The following GLS variants were observed in gnomAD, a reference collection of about 807,000 sequenced individuals.
GLS encodes the protein glutaminase kidney isoform, mitochondrial.
A neutral mutation model predicts 86.7 loss-of-function variants in GLS; 36 were observed. The ratio of observed to expected loss-of-function variants is 0.42; its 90% CI spans 0.32 to 0.55. The LOEUF (loss-of-function observed/expected upper bound fraction) is 0.55, where lower values mean the gene tolerates loss of function less well. GLS is among the 20% of genes least tolerant of loss of function. GLS has a pLI of 0.17. For synonymous variants in GLS, 317 were observed against 305.9 expected (o/e 1.04, Z -0.38); for missense variants, 528 against 833.4 (o/e 0.63, Z 4.51).
Position 190,954,484 on chromosome 2 carries a change from G to A in GLS, c.1713-100G>A. The A allele has an allele frequency of 1.4e-6, 1 of 733,428 alleles. No individual in the cohort carries two copies. The allele number at this position is 733,428 out of a possible 1,614,324, so 45.4% of individuals were successfully genotyped here. A position where few individuals can be genotyped will look rare whatever the true frequency, so the allele number is the denominator to read the frequency against. On this transcript the variant is annotated intron_variant, in intron 15 of 17. Coordinates refer to ENST00000320717, the MANE Select transcript of GLS (RefSeq NM_014905.5). This position sits in a 1 kb window ranked among gnomAD's most constrained non-coding sequence, Gnocchi z 4.0. ...CCATTAATGAGCTTGATGAAGGATG[G>A]CACCTGACAGGGCCTTAAATGAACT...
rs937031931 is a variant in GLS, at chr2:190,895,494, T to A, written c.484-110T>A. On this transcript the variant is annotated intron_variant, in intron 2 of 17. Transcript: ENST00000320717. The surrounding 1 kb of genome is among the most constrained non-coding windows in gnomAD (Gnocchi z 4.2). The stretch of plus-strand genomic sequence containing the variant: ...TGACACTAAGATGCCATATTCATGT[T>A]CAAGTGTTGGGTAGAAGTTTTTATA... The A allele has an allele frequency of 1.4e-6, 1 of 711,982 alleles. No homozygotes were observed. The highest frequency in any genetic ancestry group is 1.8e-5 in the African/African-American group (1 of 55,646). 44.1% of individuals were successfully genotyped at this position (711,982 alleles called of 1,614,324 possible). A position where few individuals can be genotyped will look rare whatever the true frequency, so the allele number is the denominator to read the frequency against.
In GLS at chr2:190,895,517, A is replaced by G. The variant is rs1190404265; in HGVS notation, c.484-87A>G. The G allele has an allele frequency of 5.4e-6, 5 of 932,010 alleles. No individual in the cohort carries two copies. The highest frequency in any genetic ancestry group is 6.4e-6 in the Non-Finnish European group (4 of 625,878). The allele number at this position is 932,010 out of a possible 1,614,324, so 57.7% of individuals were successfully genotyped here. On this transcript the variant is annotated intron_variant, in intron 2 of 17. Coordinates refer to ENST00000320717, the MANE Select transcript of GLS (RefSeq NM_014905.5). The surrounding 1 kb of genome is among the most constrained non-coding windows in gnomAD (Gnocchi z 4.2). ...GTTCAAGTGTTGGGTAGAAGTTTTTATATACAGGAATAAAATCTTATAGTT... is the reference window on the plus strand; with the variant it reads ...GTTCAAGTGTTGGGTAGAAGTTTTTGTATACAGGAATAAAATCTTATAGTT...
chr2:190,909,755 CT>C (rs1689293295), intron 6 of GLS, among the ~76,000 whole-genome samples: 1 of 152,156 alleles, frequency 6.6e-6, no homozygotes, highest in South Asian at 2.1e-4. Context: ...AAAATATCCC[CT>C]ATAGGCTGTG....
chr2:190,921,187 G>C lies in GLS; in HGVS notation c.1114G>C (p.Gly372Arg). 1 of 1,604,984 alleles carries C rather than the reference G, an allele frequency of 6.2e-7. No homozygotes were observed. The highest frequency in any genetic ancestry group is 8.5e-7 in the Non-Finnish European group (1 of 1,172,258). ...LNKMAGNEYV[G>R]FSNATFQSER... ...TAAGATGGCTGGTAATGAATATGTT[G>C]GATTCAGTAATGCAACGTGAGTGTT... Residue 372 changes from glycine (G) to arginine (R), a missense_variant, in exon 9 of 18, where the codon GGA (glycine) becomes CGA (arginine). Gly to Arg is a moderately radical substitution (Grantham distance 125). Transcript: ENST00000320717. This position sits in a 1 kb window ranked among gnomAD's most constrained non-coding sequence, Gnocchi z 4.2.
At chr2:190,939,403 C>A (rs1253656291) in intron 14 of GLS, among the ~76,000 whole-genome samples, 2 of 151,660 alleles carry the variant, frequency 1.3e-5, no homozygotes, top group African/African-American at 4.8e-5. Context: ...AAAATTTAAA[C>A]TGCCTGAGTA....
intron 1 of GLS, among the ~76,000 whole-genome samples, chr2:190,884,557 G>C (rs1450057543): frequency 1.3e-5 from 2 of 152,154 alleles, no homozygotes; most frequent in African/African-American, 4.8e-5. Context: ...TCTCTGTTAA[G>C]CTGGTTATAC....
intron 1 of GLS, among the ~76,000 whole-genome samples, chr2:190,886,348 A>T (rs1688377984): frequency 6.6e-6 from 1 of 152,216 alleles, no homozygotes; most frequent in Non-Finnish European, 1.5e-5. Flanking sequence ...GATGAAATTC[A>T]CTGAAAGAAC....
chr2:190,933,988 AT>A, intron 14 of GLS: 1 of 950,986 alleles, frequency 1.1e-6, no homozygotes, highest in Non-Finnish European at 1.3e-6. Context: ...ACACAACCTG[AT>A]TTCAAGTAAT....
chr2:190,934,909 GA>G (rs1690225644), intron 14 of GLS: 5 of 977,888 alleles, frequency 5.1e-6, no homozygotes, highest in South Asian at 9.5e-5. Flanking sequence ...ACTTAAAAAA[GA>G]AAAAACTTTG....
intron 14 of GLS, chr2:190,934,187 G>A (rs1390660804): frequency 2.0e-6 from 2 of 979,538 alleles, no homozygotes; most frequent in Non-Finnish European, 2.4e-6. Flanking sequence ...TTAGCATGAT[G>A]GTGTATGTAT....
chr2:190,902,033 T>G lies in GLS; in HGVS notation c.815+7T>G. ...GTACAGTAGATGGACAGAGGTAAGT[T>G]TATTTCAAATTCATGAAAACCAACT... On this transcript the variant is annotated splice_region_variant and intron_variant, in intron 5 of 17. Transcript: ENST00000320717. The G allele has an allele frequency of 6.4e-7, 1 of 1,566,196 alleles. No homozygotes were observed. The highest frequency in any genetic ancestry group is 8.8e-7 in the Non-Finnish European group (1 of 1,136,624).
intron 14 of GLS, among the ~76,000 whole-genome samples, chr2:190,936,944 G>A (rs913141013): frequency 2.6e-5 from 4 of 151,206 alleles, no homozygotes; most frequent in Non-Finnish European, 5.9e-5. Flanking sequence ...TACTTAACGT[G>A]TGATTTCTTC....
Position 190,924,948 on chromosome 2 carries a change from A to AT in GLS, c.1248+356dup, listed in dbSNP as rs1207648248. On this transcript the variant is annotated intron_variant, in intron 11 of 17. Transcript: ENST00000320717. This position sits in a 1 kb window ranked among gnomAD's most constrained non-coding sequence, Gnocchi z 5.2. The stretch of plus-strand genomic sequence containing the variant: ...AAATGGATGTGTCACATTATGCAAA[A>AT]TATAGATGTCTCAGAAATCTTGGTT... Among the ~76,000 whole-genome samples, 4 of 152,320 alleles carry AT rather than the reference A, an allele frequency of 2.6e-5. No homozygotes were observed. The East Asian group carries it at 7.7e-4, about 29-fold the overall frequency.
At position 190,934,929 on chromosome 2, in the gene GLS, A is replaced by G. The variant is rs558385465; in HGVS notation, c.1650+3292A>G. On this transcript the variant is annotated intron_variant, in intron 14 of 17. Coordinates refer to ENST00000320717, the MANE Select transcript of GLS (RefSeq NM_014905.5). The stretch of plus-strand genomic sequence containing the variant: ...AAAAAGAAAAAACTTTGCCAGTTTT[A>G]AGGACATATTTTGATTCTTTCAGTA... 87 of 970,892 alleles carry G rather than the reference A, an allele frequency of 9.0e-5. No individual in the cohort carries two copies. In the African/African-American group the frequency reaches 1.4e-3, roughly 16 times the overall value. The allele number at this position is 970,892 out of a possible 1,614,324, so 60.1% of individuals were successfully genotyped here. A position where few individuals can be genotyped will look rare whatever the true frequency, so the allele number is the denominator to read the frequency against.
At chr2:190,902,642 A>G (rs1688985706) in intron 5 of GLS, among the ~76,000 whole-genome samples, 1 of 152,218 alleles carries the variant, frequency 6.6e-6, no homozygotes, top group Admixed American at 6.5e-5. Flanking sequence ...AAATCAAAGA[A>G]TTAAGAGAGG....
intron 1 of GLS, among the ~76,000 whole-genome samples, chr2:190,883,145 A>T (rs1379057786): frequency 1.3e-5 from 2 of 151,866 alleles, no homozygotes; most frequent in African/African-American, 4.8e-5. Flanking sequence ...TCTGTGATTC[A>T]CTTGTCCAGA....
intron 9 of GLS, 111 bp from the exon 10 acceptor site, chr2:190,923,806 G>C (rs1169619133): frequency 1.4e-6 from 1 of 715,726 alleles, no homozygotes; most frequent in Admixed American, 2.6e-5. Context: ...CTGTAGTCCT[G>C]AATCTTAGTT....
rs2124924320 is a variant in GLS at position 190,935,227 on chromosome 2, A to G, written c.1650+3590A>G. 2.5e-6 allele frequency: 2 copies of G among 804,036 alleles called. No homozygotes were observed. Among genetic ancestry groups the G allele is most frequent in the East Asian group, 2.5e-4 (2 of 7,984 alleles). 49.8% of individuals were successfully genotyped at this position (804,036 alleles called of 1,614,324 possible). On this transcript the variant is annotated intron_variant, in intron 14 of 17. Coordinates refer to ENST00000320717, the MANE Select transcript of GLS (RefSeq NM_014905.5). This position sits in a 1 kb window ranked among gnomAD's most constrained non-coding sequence, Gnocchi z 4.2. ...TTTCATTTGCTTTGTATATTTAATA[A>G]TGTACCTTTATTTTCCAGTATGCCT...
rs750118094 is a variant in GLS, at chr2:190,930,604, C to A, written c.1557+36C>A. ...TTTCTTAATGTAAATAATGGTGTTACAAGTTGAGCCATCCAATGATTCTTT... is the reference window on the plus strand; with the variant it reads ...TTTCTTAATGTAAATAATGGTGTTAAAAGTTGAGCCATCCAATGATTCTTT... On this transcript the variant is annotated intron_variant, in intron 13 of 17. Coordinates refer to ENST00000320717, the MANE Select transcript of GLS (RefSeq NM_014905.5). The surrounding 1 kb of genome is among the most constrained non-coding windows in gnomAD (Gnocchi z 5.0). 38 of 1,569,028 alleles carry A rather than the reference C, an allele frequency of 2.4e-5. No individual in the cohort carries two copies. In the Admixed American group the frequency reaches 5.9e-4, roughly 24 times the overall value.
Sources: gnomAD v4.1 joint callset for allele counts (sites outside exome capture counted in the v4.1 genomes callset) on GRCh38, gnomAD v4.1.1 for gene constraint, Gnocchi (gnomAD v3.1) non-coding constraint, MANE v1.5 for transcripts, NCBI Gene and HGNC (gene_info 2026-07-23, HGNC 2026-07-21) for gene names.